The following GRINA variants were observed in gnomAD, a reference collection of about 807,000 sequenced individuals.
GRINA encodes the protein glutamate ionotropic receptor NMDA type subunit associated protein 1.
A neutral mutation model predicts 42.5 loss-of-function variants in GRINA; 26 were observed. That is an observed-to-expected ratio of 0.61 (90% CI 0.45 to 0.85). GRINA has a LOEUF of 0.85. Ranked by LOEUF, GRINA falls within the 40% of genes least tolerant of loss-of-function variation. The pLI is 0.00. For synonymous variants in GRINA, 256 were observed against 204.2 expected, an observed-to-expected ratio of 1.25 and a Z score of -2.17; for missense variants, 475 against 481.5, an observed-to-expected ratio of 0.99 and a Z score of 0.13.
At position 143,991,450 on chromosome 8, in the gene GRINA, A is replaced by C; in HGVS notation, c.227A>C (p.Gln76Pro). 1 of 1,476,552 alleles carries C rather than the reference A, an allele frequency of 6.8e-7. No individual in the cohort carries two copies. The highest frequency in any genetic ancestry group is 9.0e-7 in the Non-Finnish European group (1 of 1,114,764). The allele number at this position is 1,476,552 out of a possible 1,614,324, so 91.5% of individuals were successfully genotyped here. A position where few individuals can be genotyped will look rare whatever the true frequency, so the allele number is the denominator to read the frequency against. ...QGGYPQGPYP[Q>P]GGYPQGPYPQ... is the part of the protein sequence containing the mutation. ...GGCTACCCACAGGGTCCCTACCCCC[A>C]AGGGGGCTACCCACAGGGCCCCTAC... The change falls in exon 2 of 7, where the codon CAA becomes CCA. Residue 76 changes from glutamine (Q) to proline (P), a missense_variant. Physicochemically the swap from Gln to Pro is moderately conservative, Grantham distance 76. Around this residue, in one of 2 missense-constraint regions of GRINA, gnomAD observed 321 missense variants for 267.2 expected, o/e 1.20. Coordinates refer to ENST00000395068, the MANE Select transcript of GRINA (RefSeq NM_001009184.2).
Position 143,990,307 on chromosome 8 carries a change from C to T in GRINA, c.-25+108C>T, listed in dbSNP as rs1554750251. ...ATCTTGCGCATCCGAGCGTGGCCGCCTCGGGTCAGTAAGTTGGTCCGGCCG... is the reference window on the plus strand; with the variant it reads ...ATCTTGCGCATCCGAGCGTGGCCGCTTCGGGTCAGTAAGTTGGTCCGGCCG... On this transcript the variant is annotated intron_variant, in intron 1 of 6. Coordinates refer to ENST00000395068, the MANE Select transcript of GRINA (RefSeq NM_001009184.2). This position sits in a 1 kb window ranked among gnomAD's most constrained non-coding sequence, Gnocchi z 5.6. 2 of 150,276 alleles carry T rather than the reference C, an allele frequency of 1.3e-5. No individual in the cohort carries two copies. Among genetic ancestry groups the T allele is most frequent in the Admixed American group, 6.6e-5 (1 of 15,112 alleles). The allele number at this position is 150,276 out of a possible 1,614,324, so 9.3% of individuals were successfully genotyped here.
rs782786023 is a variant in GRINA, at chr8:143,991,538, C to T, written c.315C>T (p.Pro105=). 84 of 1,540,772 alleles carry T rather than the reference C, an allele frequency of 5.5e-5. No individual in the cohort carries two copies. The highest frequency in any genetic ancestry group is 6.7e-5 in the Non-Finnish European group (75 of 1,126,462). ...GGGGCTACCCCCAGGGGCCATATCC[C>T]CAGAGCCCCTTCCCCCCCAACCCCT... ...PQGGYPQGPY[P]QSPFPPNPYG... The change falls in exon 2 of 7, where the codon CCC becomes CCT. Residue 105 remains proline, a synonymous_variant. Transcript: ENST00000395068.
Position 143,992,939 on chromosome 8 carries a change from C to G in GRINA, c.*98C>G. 2.0e-6 allele frequency: 2 copies of G among 1,023,208 alleles called. No homozygotes were observed. The highest frequency in any genetic ancestry group is 2.3e-5 in the Admixed American group (1 of 44,136). 63.4% of individuals were successfully genotyped at this position (1,023,208 alleles called of 1,614,324 possible). On this transcript the variant is annotated 3_prime_UTR_variant, in exon 7 of 7. Transcript: ENST00000395068. ...AGCTGTACTTCCCCTCTCTCTTGTC[C>G]CCAGGCACAGCCTAGGGAAAAGGAT...
Position 143,992,846 on chromosome 8 carries a change from G to C in GRINA, c.*5G>C, listed in dbSNP as rs201483446. ...ATTGGCCGCGCCAAGGAGTAGCCGA[G>C]CTCCAGCTCGCTGTGCCCGCTCAGG... On this transcript the variant is annotated 3_prime_UTR_variant, in exon 7 of 7. Coordinates refer to ENST00000395068, the MANE Select transcript of GRINA (RefSeq NM_001009184.2). The C allele has an allele frequency of 4.3e-6, 7 of 1,612,110 alleles. No homozygotes were observed. The African/African-American group carries it at 6.7e-5, about 15-fold the overall frequency.
rs1834095193 is a variant in GRINA at position 143,991,505 on chromosome 8, C to T, written c.282C>T (p.Tyr94=). 3 of 1,538,514 alleles carry T rather than the reference C, an allele frequency of 1.9e-6. No individual in the cohort carries two copies. Among genetic ancestry groups the T allele is most frequent in the Admixed American group, 4.6e-5 (2 of 43,112 alleles). The change falls in exon 2 of 7, where the codon TAC becomes TAT. Residue 94 remains tyrosine, a synonymous_variant. Coordinates refer to ENST00000395068, the MANE Select transcript of GRINA (RefSeq NM_001009184.2). ...YPQEGYPQGP[Y]PQGGYPQGPY... is the part of the protein sequence containing the mutation. ...AAGAGGGCTACCCACAGGGCCCCTA[C>T]CCCCAAGGGGGCTACCCCCAGGGGC...
Position 143,992,973 on chromosome 8 carries a change from C to G in GRINA, c.*132C>G. 1 of 732,648 alleles carries G rather than the reference C, an allele frequency of 1.4e-6. No individual in the cohort carries two copies. The highest frequency in any genetic ancestry group is 1.8e-5 in the South Asian group (1 of 56,070). The allele number at this position is 732,648 out of a possible 1,614,324, so 45.4% of individuals were successfully genotyped here. A position where few individuals can be genotyped will look rare whatever the true frequency, so the allele number is the denominator to read the frequency against. On this transcript the variant is annotated 3_prime_UTR_variant, in exon 7 of 7. Transcript: ENST00000395068. ...AGCCTAGGGAAAAGGATGCCTCTCT[C>G]CAACCCTCCTGTATGTACACTGCAG... is the stretch of plus-strand genomic sequence containing the variant.
Position 143,991,558 on chromosome 8 carries a change from A to G in GRINA, c.335A>G (p.Asn112Ser), listed in dbSNP as rs782684390. The change falls in exon 2 of 7, where the codon AAC (asparagine) becomes AGC (serine). Residue 112 changes from asparagine to serine, a missense_variant. Physicochemically the swap from Asn to Ser is conservative, Grantham distance 46 (BLOSUM62 1). This residue lies in a region of GRINA where 321 missense variants were observed against 267.2 expected (regional missense o/e 1.20). Transcript: ENST00000395068. ...TATCCCCAGAGCCCCTTCCCCCCCAACCCCTATGGACAGCCACAGGTCTTC... is the reference window on the plus strand; with the variant it reads ...TATCCCCAGAGCCCCTTCCCCCCCAGCCCCTATGGACAGCCACAGGTCTTC... ...GPYPQSPFPP[N>S]PYGQPQVFPG... 2 of 1,560,340 alleles carry G rather than the reference A, an allele frequency of 1.3e-6. No individual in the cohort carries two copies. The highest frequency in any genetic ancestry group is 3.5e-5 in the Admixed American group (2 of 56,796).
Position 143,991,371 on chromosome 8 carries a change from TC to T in GRINA, c.153del (p.Tyr52ThrfsTer116). 2 of 1,089,128 alleles carry T rather than the reference TC, an allele frequency of 1.8e-6. No homozygotes were observed. Among genetic ancestry groups the T allele is most frequent in the Non-Finnish European group, 2.5e-6 (2 of 797,574 alleles). 67.5% of individuals were successfully genotyped at this position (1,089,128 alleles called of 1,614,324 possible). On this transcript the variant is annotated frameshift_variant, in exon 2 of 7. Coordinates refer to ENST00000395068, the MANE Select transcript of GRINA (RefSeq NM_001009184.2). LOFTEE classifies it high-confidence loss of function. ...APYPQPPFQP[S>X]PYGQPGYPHG... ...TTACCCACAGCCCCCTTTCCAGCCCTCCCCCTACGGTCAGCCAGGGTACCCC... is the reference window on the plus strand; with the variant it reads ...TTACCCACAGCCCCCTTTCCAGCCCTCCCCTACGGTCAGCCAGGGTACCCC...
chr8:143,992,686 C>T lies in GRINA; in HGVS notation c.967-6C>T, dbSNP rs782380457. ...TCCCTCAACACCACTGTGCTGTCAC[C>T]TCCAGTTCCTCGCAGTGGACACCCA... On this transcript the variant is annotated splice_region_variant and splice_polypyrimidine_tract_variant and intron_variant, in intron 6 of 6. Coordinates refer to ENST00000395068, the MANE Select transcript of GRINA (RefSeq NM_001009184.2). 6.8e-6 allele frequency: 11 copies of T among 1,613,940 alleles called. No individual in the cohort carries two copies. The highest frequency in any genetic ancestry group is 1.7e-5 in the Admixed American group (1 of 60,016).
At position 143,992,727 on chromosome 8, in the gene GRINA, C is replaced by T. The variant is rs1554750800; in HGVS notation, c.1002C>T (p.Asn334=). The part of the protein sequence containing the change: ...LAVDTQLLLG[N]KQLSLSPEEY... ...TGGACACCCAGCTGCTACTGGGGAA[C>T]AAGCAGCTGTCCCTGAGCCCAGAAG... The change falls in exon 7 of 7, where the codon AAC becomes AAT. Residue 334 remains asparagine, a synonymous_variant. Transcript: ENST00000395068. The T allele has an allele frequency of 1.2e-6, 2 of 1,613,902 alleles. No individual in the cohort carries two copies. Among genetic ancestry groups the T allele is most frequent in the Admixed American group, 1.7e-5 (1 of 60,016 alleles).
chr8:143,991,398 C>A lies in GRINA; in HGVS notation c.175C>A (p.His59Asn). 1 of 1,195,426 alleles carries A rather than the reference C, an allele frequency of 8.4e-7. No individual in the cohort carries two copies. The highest frequency in any genetic ancestry group is 1.2e-6 in the Non-Finnish European group (1 of 862,628). The allele number at this position is 1,195,426 out of a possible 1,614,324, so 74.1% of individuals were successfully genotyped here. ...CCCCTACGGTCAGCCAGGGTACCCCCATGGCCCCAGCCCCTACCCCCAAGG... is the reference window on the plus strand; with the variant it reads ...CCCCTACGGTCAGCCAGGGTACCCCAATGGCCCCAGCCCCTACCCCCAAGG... ...PSPYGQPGYP[H>N]GPSPYPQGGY... Residue 59 changes from histidine (H) to asparagine (N), a missense_variant, in exon 2 of 7, where the codon CAT (histidine) becomes AAT (asparagine). By Grantham distance (68) the His-to-Asn change is moderately conservative. Around this residue, in one of 2 missense-constraint regions of GRINA, gnomAD observed 321 missense variants for 267.2 expected, o/e 1.20. Coordinates refer to ENST00000395068, the MANE Select transcript of GRINA (RefSeq NM_001009184.2).
rs1422230371 is a variant in GRINA, at chr8:143,990,838, C to G, written c.-24-362C>G. The G allele has an allele frequency of 1.9e-5, 3 of 159,244 alleles. No individual in the cohort carries two copies. The highest frequency in any genetic ancestry group is 1.9e-4 in the East Asian group (1 of 5,390). The allele number at this position is 159,244 out of a possible 1,614,324, so 9.9% of individuals were successfully genotyped here. A position where few individuals can be genotyped will look rare whatever the true frequency, so the allele number is the denominator to read the frequency against. ...CGGGCACACCCCACACGTCCCCGGC[C>G]GAGACCCCAGCCTCCGCGCTGAGCT... On this transcript the variant is annotated intron_variant, in intron 1 of 6. Coordinates refer to ENST00000395068, the MANE Select transcript of GRINA (RefSeq NM_001009184.2). The surrounding 1 kb of genome is among the most constrained non-coding windows in gnomAD (Gnocchi z 5.6).
chr8:143,991,547 C>A lies in GRINA; in HGVS notation c.324C>A (p.Pro108=). Residue 108 remains proline (P), a synonymous_variant, in exon 2 of 7, where the codon CCC becomes CCA. Transcript: ENST00000395068. ...CCCAGGGGCCATATCCCCAGAGCCC[C>A]TTCCCCCCCAACCCCTATGGACAGC... ...GYPQGPYPQS[P]FPPNPYGQPQ... 6.4e-7 allele frequency: 1 copy of A among 1,569,440 alleles called. No homozygotes were observed. Among genetic ancestry groups the A allele is most frequent in the Non-Finnish European group, 8.7e-7 (1 of 1,149,772 alleles).
rs1229001350 is a variant in GRINA at position 143,991,721 on chromosome 8, G to T, written c.409G>T (p.Gly137Cys). 11 of 1,613,532 alleles carry T rather than the reference G, an allele frequency of 6.8e-6. No individual in the cohort carries two copies. In the African/African-American group the frequency reaches 1.1e-4, roughly 16 times the overall value. Residue 137 changes from glycine to cysteine, a missense_variant, in exon 3 of 7, where the codon GGT becomes TGT. By Grantham distance (159) the Gly-to-Cys change is radical. This residue lies in a region of GRINA where 321 missense variants were observed against 267.2 expected (regional missense o/e 1.20). Coordinates refer to ENST00000395068, the MANE Select transcript of GRINA (RefSeq NM_001009184.2). ...SPQHGNYQEE[G>C]PPSYYDNQDF... ...CCAGCATGGAAACTACCAGGAGGAG[G>T]GTCCCCCATCCTACTATGACAACCA...
rs1160332594 is a variant in GRINA at position 143,990,348 on chromosome 8, C to T, written c.-25+149C>T. ...GGTCCGGCCGGGGCGCGCGGCAGCT[C>T]GCGGCCAGAGGTGGCGGCGGTGGTG... On this transcript the variant is annotated intron_variant, in intron 1 of 6. Transcript: ENST00000395068. The surrounding 1 kb of genome is among the most constrained non-coding windows in gnomAD (Gnocchi z 5.6). 3.3e-5 allele frequency: 5 copies of T among 150,968 alleles called. No individual in the cohort carries two copies. Among genetic ancestry groups the T allele is most frequent in the African/African-American group, 1.2e-4 (5 of 41,408 alleles). The allele number at this position is 150,968 out of a possible 1,614,324, so 9.4% of individuals were successfully genotyped here. A position where few individuals can be genotyped will look rare whatever the true frequency, so the allele number is the denominator to read the frequency against.
Position 143,991,696 on chromosome 8 carries a change from C to A in GRINA, c.384C>A (p.Pro128=). 6.2e-7 allele frequency: 1 copy of A among 1,611,522 alleles called. No individual in the cohort carries two copies. ...QVFPGQDPDS[P]QHGNYQEEGP... ...CCCAGCCTGTCTGCTTCTCAGCACC[C>A]CAGCATGGAAACTACCAGGAGGAGG... The change falls in exon 3 of 7, where the codon CCC becomes CCA. Residue 128 remains proline (P), a synonymous_variant. Coordinates refer to ENST00000395068, the MANE Select transcript of GRINA (RefSeq NM_001009184.2).
rs1465457555 is a variant in GRINA at position 143,990,118 on chromosome 8, G to A, written c.-106G>A. ...GCCCAGCTGAGCGGCCGCCGAGCGG[G>A]TGCGGGTGCGGGCGCATCGGCCATC... On this transcript the variant is annotated 5_prime_UTR_variant, in exon 1 of 7. The change creates a new upstream start codon in the 5' untranslated region. Coordinates refer to ENST00000395068, the MANE Select transcript of GRINA (RefSeq NM_001009184.2). The surrounding 1 kb of genome is among the most constrained non-coding windows in gnomAD (Gnocchi z 5.6). The A allele has an allele frequency of 6.6e-6, 1 of 151,244 alleles. No homozygotes were observed. The highest frequency in any genetic ancestry group is 1.5e-5 in the Non-Finnish European group (1 of 67,748). 9.4% of individuals were successfully genotyped at this position (151,244 alleles called of 1,614,324 possible). A position where few individuals can be genotyped will look rare whatever the true frequency, so the allele number is the denominator to read the frequency against.
At position 143,993,019 on chromosome 8, in the gene GRINA, T is replaced by C; in HGVS notation, c.*178T>C. On this transcript the variant is annotated 3_prime_UTR_variant, in exon 7 of 7. Coordinates refer to ENST00000395068, the MANE Select transcript of GRINA (RefSeq NM_001009184.2). ...TGCAGATACTTCCATTTGGACCCGCTGTGGCCACAGCATGGCCCCTTTAGT... is the reference window on the plus strand; with the variant it reads ...TGCAGATACTTCCATTTGGACCCGCCGTGGCCACAGCATGGCCCCTTTAGT... The C allele has an allele frequency of 1.6e-6, 1 of 609,592 alleles. No individual in the cohort carries two copies. The allele number at this position is 609,592 out of a possible 1,614,324, so 37.8% of individuals were successfully genotyped here.
chr8:143,991,836 C>T (rs67714660), intron 3 of GRINA, 32 bp downstream of exon 3: 1 of 1,607,134 alleles, frequency 6.2e-7, no homozygotes, highest in South Asian at 1.1e-5. Context: ...GCGGTGGGGG[C>T]TGTGGCTCCC....
Sources: allele counts gnomAD v4.1 joint callset, GRCh38; gene constraint gnomAD v4.1.1; regional missense constraint gnomAD v4.1.1; non-coding constraint Gnocchi (gnomAD v3.1); transcripts MANE v1.5; gene names NCBI Gene and HGNC (gene_info 2026-07-23, HGNC 2026-07-21).